The following MIPEP variants were observed in gnomAD, a reference collection of about 807,000 sequenced individuals.
MIPEP encodes mitochondrial intermediate peptidase.
Under a neutral mutation model 90.3 loss-of-function variants are expected in MIPEP, and 79 were observed. The ratio of observed to expected loss-of-function variants is 0.87; its 90% CI spans 0.73 to 1.05. The LOEUF (loss-of-function observed/expected upper bound fraction) is 1.05. Ranked by LOEUF, MIPEP falls within the 50% of genes least tolerant of loss-of-function variation. The pLI is 0.00. For missense variants in MIPEP, 940 were observed against 905.6 expected (o/e 1.04, Z -0.49); for synonymous variants, 334 against 315.8 (o/e 1.06, Z -0.61).
chr13:23,881,050 G>A (rs1184879556), intron 3 of MIPEP, among the ~76,000 whole-genome samples: 1 of 152,182 alleles, frequency 6.6e-6, no homozygotes, highest in Non-Finnish European at 1.5e-5. Flanking sequence ...GCATTATGGA[G>A]CTCTTATAAG....
At chr13:23,881,982 C>T (rs1315149076) in intron 2 of MIPEP, among the ~76,000 whole-genome samples, 195 bp from the exon 3 acceptor site, 1 of 152,078 alleles carries the variant, frequency 6.6e-6, no homozygotes, top group Non-Finnish European at 1.5e-5. Context: ...TTCCTTGAAA[C>T]CAAGTTTGTT....
At chr13:23,736,531 A>C (rs1952265258) in intron 18 of MIPEP, among the ~76,000 whole-genome samples, 1 of 152,194 alleles carries the variant, frequency 6.6e-6, no homozygotes, top group Non-Finnish European at 1.5e-5. Context: ...GTACTAGGGT[A>C]ATTATTCTGG....
chr13:23,870,135 C>T lies in MIPEP; in HGVS notation c.664G>A (p.Gly222Arg), dbSNP rs776645824. ...TCAATCTTGTTGGGAAAATTGGTTC[C>T]CATAAGAAATGTACTACTCAAATCC... ...ILDLSSTFLM[G>R]TNFPNKIEKH... The change falls in exon 6 of 19, where the codon GGA becomes AGA. Residue 222 changes from glycine to arginine, a missense_variant. Gly to Arg is a moderately radical substitution (Grantham distance 125, BLOSUM62 -2). Coordinates refer to ENST00000382172, the MANE Select transcript of MIPEP (RefSeq NM_005932.4). 5 of 1,611,938 alleles carry T rather than the reference C, an allele frequency of 3.1e-6. No homozygotes were observed. The Admixed American group carries it at 8.4e-5, about 27-fold the overall frequency.
At chr13:23,747,579 G>A (rs1459119592) in intron 18 of MIPEP, 1 of 510,234 alleles carries the variant, frequency 2.0e-6, no homozygotes, top group Non-Finnish European at 3.9e-6. Flanking sequence ...GACTGAACAA[G>A]TGTGGAGACA....
intron 10 of MIPEP, among the ~76,000 whole-genome samples, chr13:23,857,961 T>C (rs1870118738): frequency 6.6e-6 from 1 of 152,120 alleles, no homozygotes; most frequent in South Asian, 2.1e-4. Flanking sequence ...ATCATCACAG[T>C]ACATGCTGGT....
At chr13:23,806,773 G>C (rs1227990590) in intron 15 of MIPEP, among the ~76,000 whole-genome samples, 1 of 147,834 alleles carries the variant, frequency 6.8e-6, no homozygotes, top group Non-Finnish European at 1.5e-5. Flanking sequence ...TCTGTAGGCA[G>C]AAATATACAA....
chr13:23,853,363 C>A (rs1238386305), intron 10 of MIPEP, among the ~76,000 whole-genome samples: 2 of 152,134 alleles, frequency 1.3e-5, no homozygotes, highest in Non-Finnish European at 2.9e-5. Flanking sequence ...TTTCACCATA[C>A]CTTTTCCATG....
chr13:23,824,820 A>C (rs890390824), intron 14 of MIPEP, among the ~76,000 whole-genome samples: 3 of 152,230 alleles, frequency 2.0e-5, no homozygotes, highest in Admixed American at 6.5e-5. Flanking sequence ...AACAAACTAA[A>C]TAAGATGATC....
At chr13:23,738,458 T>G (rs1337912180) in intron 18 of MIPEP, among the ~76,000 whole-genome samples, 1 of 151,448 alleles carries the variant, frequency 6.6e-6, no homozygotes, top group Non-Finnish European at 1.5e-5. Flanking sequence ...GTTTTTTTTT[T>G]TTTTTTCTTG....
intron 16 of MIPEP, among the ~76,000 whole-genome samples, chr13:23,798,176 T>C (rs1241135291): frequency 6.6e-6 from 1 of 152,244 alleles, no homozygotes; most frequent in Non-Finnish European, 1.5e-5. Flanking sequence ...ACAACTATTT[T>C]AATTGGGATT....
chr13:23,815,954 C>T (rs562706366), intron 14 of MIPEP, among the ~76,000 whole-genome samples: 138 of 152,258 alleles, frequency 9.1e-4, no homozygotes, highest in Non-Finnish European at 1.4e-3. Context: ...TCTCTTCTGA[C>T]GATCAAATGT....
intron 10 of MIPEP, among the ~76,000 whole-genome samples, chr13:23,847,911 A>T (rs911068430): frequency 2.6e-5 from 4 of 152,256 alleles, no homozygotes; most frequent in Admixed American, 2.6e-4. Flanking sequence ...TCAAGAATCA[A>T]GAATCTCCTT....
intron 16 of MIPEP, among the ~76,000 whole-genome samples, chr13:23,787,944 T>C (rs1390290423): frequency 2.0e-5 from 3 of 152,208 alleles, no homozygotes; most frequent in African/African-American, 4.8e-5. Flanking sequence ...ATGATTACTA[T>C]CATTTCCATG....
intron 5 of MIPEP, among the ~76,000 whole-genome samples, chr13:23,873,685 G>C (rs1482797603): frequency 2.0e-5 from 3 of 152,182 alleles, no homozygotes; most frequent in Non-Finnish European, 4.4e-5. Flanking sequence ...CAGGACTGTA[G>C]GAACAATGCA....
chr13:23,847,326 G>T (rs1869588847), intron 10 of MIPEP, among the ~76,000 whole-genome samples: 1 of 152,102 alleles, frequency 6.6e-6, no homozygotes, highest in Non-Finnish European at 1.5e-5. Context: ...ATTTAGAGAA[G>T]TAAAAAGAGA....
At chr13:23,829,595 A>G (rs937344155) in intron 14 of MIPEP, among the ~76,000 whole-genome samples, 15 of 152,150 alleles carry the variant, frequency 9.9e-5, no homozygotes, top group African/African-American at 3.6e-4. Context: ...AAAAAGACAA[A>G]TTTCCAAGTA....
In MIPEP at chr13:23,879,284, G is replaced by A. The variant is rs1167908998; in HGVS notation, c.523C>T (p.Leu175Phe). The change falls in exon 4 of 19, where the codon CTT (leucine) becomes TTT (phenylalanine). Residue 175 changes from leucine to phenylalanine, a missense_variant. Physicochemically the swap from Leu to Phe is conservative, Grantham distance 22 (BLOSUM62 0). Coordinates refer to ENST00000382172, the MANE Select transcript of MIPEP (RefSeq NM_005932.4). ...AGTGAGTACCTTGTTTCTGGATCAAGGGAATCCACAAGTTTTTTATCAGCT... is the reference window on the plus strand; with the variant it reads ...AGTGAGTACCTTGTTTCTGGATCAAAGGAATCCACAAGTTTTTTATCAGCT... ...LLADKKLVDS[L>F]DPETRRVAEL... The A allele has an allele frequency of 6.2e-7, 1 of 1,602,182 alleles. No homozygotes were observed. Among genetic ancestry groups the A allele is most frequent in the Non-Finnish European group, 8.5e-7 (1 of 1,169,648 alleles).
rs1178186750 is a variant in MIPEP at position 23,858,470 on chromosome 13, CAAAAAAAAAA to C, written c.1106+380_1106+389del. On this transcript the variant is annotated intron_variant, in intron 10 of 18. Coordinates refer to ENST00000382172, the MANE Select transcript of MIPEP (RefSeq NM_005932.4). The stretch of plus-strand genomic sequence containing the variant: ...CCTGGGAGAGAGCAAGACTCCGCCT[CAAAAAAAAAA>C]AAAAAAAAAAAAGGAAAATAACGTA... 1.4e-4 allele frequency among the ~76,000 whole-genome samples: 7 copies of C among 48,950 alleles called. No individual in the cohort carries two copies. The South Asian group carries it at 3.5e-3, about 25-fold the overall frequency. 32.1% of individuals were successfully genotyped at this position (48,950 alleles called of 152,430 possible). A position where few individuals can be genotyped will look rare whatever the true frequency, so the allele number is the denominator to read the frequency against.
chr13:23,812,066 C>T (rs1953177665), intron 14 of MIPEP, among the ~76,000 whole-genome samples: 1 of 152,104 alleles, frequency 6.6e-6, no homozygotes, highest in Non-Finnish European at 1.5e-5. Context: ...CATATGAAGA[C>T]CATGTAAGCA....
Sources: gnomAD v4.1 joint callset for allele counts (sites outside exome capture counted in the v4.1 genomes callset) on GRCh38, gnomAD v4.1.1 for gene constraint, MANE v1.5 for transcripts, NCBI Gene and HGNC (gene_info 2026-07-23, HGNC 2026-07-21) for gene names.